The following MACC1 variants were observed in gnomAD, a reference collection of about 807,000 sequenced individuals.
MACC1 encodes the protein MET transcriptional regulator MACC1.
Under a neutral mutation model 70.7 loss-of-function variants are expected in MACC1, and 79 were observed. The observed-to-expected ratio is 1.12, with a 90% CI of 0.93 to 1.35. The LOEUF is 1.35. Ranked by LOEUF, MACC1 falls within the 40% of genes most tolerant of loss-of-function variation. The pLI is 0.00. For missense variants in MACC1, 1,106 were observed against 978.1 expected (o/e 1.13, Z -1.74); for synonymous variants, 361 against 347.2 (o/e 1.04, Z -0.44).
intron 2 of MACC1, among the ~76,000 whole-genome samples, chr7:20,166,517 C>A (rs1407300960): frequency 1.3e-5 from 2 of 152,108 alleles, no homozygotes; most frequent in Non-Finnish European, 1.5e-5. Flanking sequence ...TAGTATACAC[C>A]ATACACAAGC....
intron 1 of MACC1, among the ~76,000 whole-genome samples, chr7:20,214,543 A>G (rs1465558601): frequency 6.6e-6 from 1 of 152,210 alleles, no homozygotes; most frequent in South Asian, 2.1e-4. Context: ...TATTAGTACC[A>G]TAAATGAAAA....
Position 20,154,300 on chromosome 7 carries a change from CA to C in MACC1, c.2238del (p.Gly747GlufsTer7). The C allele has an allele frequency of 6.2e-7, 1 of 1,613,984 alleles. No homozygotes were observed. The highest frequency in any genetic ancestry group is 8.5e-7 in the Non-Finnish European group (1 of 1,179,936). ...TCAGCTAGTTCCCTCCAGCCTTTTC[CA>C]AGCTTGACAGCTGAAGTCAGAACAG... ...EAAVLTSAVK[L>X]GKGWRELAEK... is the part of the protein sequence containing the mutation. On this transcript the variant is annotated frameshift_variant, in exon 6 of 7. Transcript: ENST00000400331. LOFTEE classifies it high-confidence loss of function.
chr7:20,194,635 T>C (rs573757153), intron 1 of MACC1, among the ~76,000 whole-genome samples: 47 of 152,338 alleles, frequency 3.1e-4, no homozygotes, highest in African/African-American at 1.1e-3. Context: ...GAATTTTACA[T>C]TCATGCAAAA....
intron 1 of MACC1, among the ~76,000 whole-genome samples, chr7:20,196,025 ACCT>A (rs1393944972): frequency 6.6e-6 from 1 of 150,708 alleles, no homozygotes; most frequent in Non-Finnish European, 1.5e-5. Flanking sequence ...AGCGTTTCTG[ACCT>A]CCTGTCTCAT....
At chr7:20,152,942 A>T (rs1251533887) in intron 6 of MACC1, among the ~76,000 whole-genome samples, 1 of 152,146 alleles carries the variant, frequency 6.6e-6, no homozygotes, top group Non-Finnish European at 1.5e-5. Context: ...CGTATCCCTC[A>T]TAATATTTGT....
intron 1 of MACC1, among the ~76,000 whole-genome samples, chr7:20,186,826 C>T (rs1782595727): frequency 6.6e-6 from 1 of 152,090 alleles, no homozygotes; most frequent in Admixed American, 6.5e-5. Context: ...TATAAAACAT[C>T]CTTCACTGGA....
rs114609460 is a variant in MACC1, at chr7:20,206,694, G to A, written c.-218+10605C>T. On this transcript the variant is annotated intron_variant, in intron 1 of 6. Coordinates refer to ENST00000400331, the MANE Select transcript of MACC1 (RefSeq NM_182762.4). Reference sequence around the variant, plus strand: ...AAACCATTTGGCCTCCTGACTCCAAGACCTGTTCCATTGCTTAAGGAATTT... The same window carrying A: ...AAACCATTTGGCCTCCTGACTCCAAAACCTGTTCCATTGCTTAAGGAATTT... Among the ~76,000 whole-genome samples, 1,445 of 152,300 alleles carry A rather than the reference G, an allele frequency of 9.5e-3. 23 individuals carry two copies. Among genetic ancestry groups the A allele is most frequent in the African/African-American group, 0.033 (1,363 of 41,558 alleles).
intron 1 of MACC1, among the ~76,000 whole-genome samples, chr7:20,199,233 A>T (rs1182757583): frequency 6.6e-6 from 1 of 152,274 alleles, no homozygotes; most frequent in African/African-American, 2.4e-5. Context: ...CAAGGCTTGC[A>T]CAAGAAATCT....
intron 1 of MACC1, among the ~76,000 whole-genome samples, chr7:20,198,989 T>C (rs562461046): frequency 1.3e-5 from 2 of 152,314 alleles, no homozygotes; most frequent in South Asian, 4.1e-4. Context: ...TCTCAAAATG[T>C]AAAGGTCTAT....
intron 1 of MACC1, among the ~76,000 whole-genome samples, chr7:20,186,292 T>C (rs1782588347): frequency 6.6e-6 from 1 of 152,148 alleles, no homozygotes; most frequent in Non-Finnish European, 1.5e-5. Context: ...TAATGTGAGG[T>C]ATTTATGACC....
chr7:20,152,853 A>C (rs1782000931), intron 6 of MACC1, among the ~76,000 whole-genome samples: 1 of 152,180 alleles, frequency 6.6e-6, no homozygotes, highest in African/African-American at 2.4e-5. Flanking sequence ...TCAAAACAGA[A>C]CCTTATTAAG....
intron 1 of MACC1, among the ~76,000 whole-genome samples, chr7:20,190,264 G>A (rs949270794): frequency 5.9e-5 from 9 of 152,102 alleles, no homozygotes; most frequent in South Asian, 4.1e-4. Context: ...CACTAATGCC[G>A]TTTCTATCTG....
intron 6 of MACC1, among the ~76,000 whole-genome samples, 180 bp from the exon 7 acceptor site, chr7:20,141,338 C>T (rs1239234465): frequency 1.3e-5 from 2 of 152,138 alleles, no homozygotes; most frequent in Non-Finnish European, 2.9e-5. Context: ...CCTGTTATAT[C>T]CCTGTGTTTT....
intron 1 of MACC1, among the ~76,000 whole-genome samples, chr7:20,174,492 C>A (rs1331586838): frequency 6.6e-6 from 1 of 151,964 alleles, no homozygotes; most frequent in Non-Finnish European, 1.5e-5. Context: ...ATGTTATGGG[C>A]AAAAGCAAGG....
chr7:20,159,898 G>A lies in MACC1; in HGVS notation c.463C>T (p.Gln155Ter), dbSNP rs749776627. ...DILDDTAHAH[Q>*]SIHNSDQILL... ...ATCTGGTCAGAGTTATGTATACTCT[G>A]ATGGGCATGTGCTGTGTCGTCTAAA... Residue 155 changes from glutamine to a stop codon, truncating the protein, a stop_gained, in exon 5 of 7, where the codon CAG (glutamine) becomes TAG (stop). Transcript: ENST00000400331. LOFTEE classifies it high-confidence loss of function. 18 of 1,613,962 alleles carry A rather than the reference G, an allele frequency of 1.1e-5. No individual in the cohort carries two copies. The highest frequency in any genetic ancestry group is 1.5e-5 in the Non-Finnish European group (18 of 1,180,018).
rs138451442 is a variant in MACC1 at position 20,195,557 on chromosome 7, T to A, written c.-218+21742A>T. Among the ~76,000 whole-genome samples, 7 of 152,364 alleles carry A rather than the reference T, an allele frequency of 4.6e-5. No individual in the cohort carries two copies. The East Asian group carries it at 1.3e-3, about 29-fold the overall frequency. On this transcript the variant is annotated intron_variant, in intron 1 of 6. Transcript: ENST00000400331. ...TTCGTATATATGACCCATGTTTACC[T>A]TGGGGTAAAGATAACATTTAAATGT...
chr7:20,142,279 C>T (rs1781817036), intron 6 of MACC1, among the ~76,000 whole-genome samples: 1 of 152,092 alleles, frequency 6.6e-6, no homozygotes, highest in Non-Finnish European at 1.5e-5. Context: ...GAATTAAAGA[C>T]CTAAATAGGG....
chr7:20,181,270 A>T (rs1159033400), intron 1 of MACC1, among the ~76,000 whole-genome samples: 1 of 152,132 alleles, frequency 6.6e-6, no homozygotes, highest in Non-Finnish European at 1.5e-5. Context: ...CATTATATAA[A>T]TAATATGTAT....
In MACC1 at chr7:20,175,457, T is replaced by TA. The variant is rs531603682; in HGVS notation, c.-217-4680dup. 2.6e-5 allele frequency among the ~76,000 whole-genome samples: 4 copies of TA among 152,148 alleles called. No individual in the cohort carries two copies. In the South Asian group the frequency reaches 8.3e-4, roughly 32 times the overall value. On this transcript the variant is annotated intron_variant, in intron 1 of 6. Transcript: ENST00000400331. ...AAAAAATTGATCAAGCAATAGAACA[T>TA]AAAAAAACACTTATAGGTTATTTTC... is the stretch of plus-strand genomic sequence containing the variant.
Sources: allele counts gnomAD v4.1 joint callset (sites outside exome capture counted in the v4.1 genomes callset), GRCh38; gene constraint gnomAD v4.1.1; transcripts MANE v1.5; gene names NCBI Gene and HGNC (gene_info 2026-07-23, HGNC 2026-07-21).